Variants in AGAP1 observed in about 807,000 individuals in gnomAD.
The protein encoded by AGAP1 is ArfGAP with GTPase domain, ankyrin repeat and PH domain 1.
A neutral mutation model predicts 105.3 loss-of-function variants in AGAP1; 29 were observed. The observed-to-expected ratio is 0.28, with a 90% CI of 0.21 to 0.38. AGAP1 has a LOEUF of 0.38. AGAP1 is among the 10% of genes least tolerant of loss of function. The probability of loss-of-function intolerance (pLI) is 1.00; values close to 1 mark genes in which losing one functional copy is unlikely to be tolerated. For missense variants in AGAP1, 998 were observed against 1,165.1 expected (o/e 0.86, Z 2.09); for synonymous variants, 509 against 485.9 (o/e 1.05, Z -0.63).
chr2:235,982,690 G>A lies in AGAP1; in HGVS notation c.1645+14067G>A, dbSNP rs969850808. On this transcript the variant is annotated intron_variant, in intron 13 of 17. Coordinates refer to ENST00000304032, the MANE Select transcript of AGAP1 (RefSeq NM_001037131.3). The surrounding 1 kb of genome is among the most constrained non-coding windows in gnomAD (Gnocchi z 4.9). ...AGTCCGTTCGTGGAAGGAAAGAACC[G>A]AAGCCAGCCCTTGGCTGCCATTCTT... Among the ~76,000 whole-genome samples, 10 of 152,210 alleles carry A rather than the reference G, an allele frequency of 6.6e-5. No homozygotes were observed. The highest frequency in any genetic ancestry group is 3.9e-4 in the East Asian group (2 of 5,188).
rs1302746445 is a variant in AGAP1 at position 235,909,005 on chromosome 2, A to C, written c.1324+99A>C. 2.6e-6 allele frequency: 3 copies of C among 1,156,070 alleles called. No individual in the cohort carries two copies. In the Admixed American group the frequency reaches 6.9e-5, roughly 27 times the overall value. The allele number at this position is 1,156,070 out of a possible 1,614,324, so 71.6% of individuals were successfully genotyped here. On this transcript the variant is annotated intron_variant, in intron 11 of 17. Transcript: ENST00000304032. Reference sequence around the variant, plus strand: ...GACTCCTAGGTTAAGTGGAGACAGTAACTATCACATTACAGATTAAGGTTT... The same window carrying C: ...GACTCCTAGGTTAAGTGGAGACAGTCACTATCACATTACAGATTAAGGTTT...
chr2:236,025,989 C>T (rs1320642300), intron 13 of AGAP1, among the ~76,000 whole-genome samples: 1 of 152,094 alleles, frequency 6.6e-6, no homozygotes, highest in African/African-American at 2.4e-5. Flanking sequence ...CTTCAGGGAC[C>T]TCAGAGGCAC....
chr2:235,971,305 AG>A lies in AGAP1; in HGVS notation c.1645+2683del, dbSNP rs1232601620. Among the ~76,000 whole-genome samples, 1 of 152,240 alleles carries A rather than the reference AG, an allele frequency of 6.6e-6. No individual in the cohort carries two copies. Among genetic ancestry groups the A allele is most frequent in the Non-Finnish European group, 1.5e-5 (1 of 68,052 alleles). ...TCCCCCCAAATTGTAACATATCTGA[AG>A]TCAGAACATATCATTGTAGATTCAG... On this transcript the variant is annotated intron_variant, in intron 13 of 17. Coordinates refer to ENST00000304032, the MANE Select transcript of AGAP1 (RefSeq NM_001037131.3). The surrounding 1 kb of genome is among the most constrained non-coding windows in gnomAD (Gnocchi z 4.8).
intron 2 of AGAP1, among the ~76,000 whole-genome samples, chr2:235,709,879 A>G (rs964973105): frequency 3.9e-5 from 6 of 152,188 alleles, no homozygotes; most frequent in Non-Finnish European, 8.8e-5. Context: ...CTAACTTTGA[A>G]ACAACCAGGT....
In AGAP1 at chr2:236,051,984, G is replaced by A. The variant is rs2057913943; in HGVS notation, c.2114+2703G>A. On this transcript the variant is annotated intron_variant, in intron 16 of 17. Transcript: ENST00000304032. The surrounding 1 kb of genome is among the most constrained non-coding windows in gnomAD (Gnocchi z 5.9). ...TCGGGGCTGGAATCTCCGCAAGCCG[G>A]TCTGTCCATGACGTGAGAAGATTCT... 6.6e-6 allele frequency among the ~76,000 whole-genome samples: 1 copy of A among 152,132 alleles called. No individual in the cohort carries two copies. The highest frequency in any genetic ancestry group is 1.5e-5 in the Non-Finnish European group (1 of 68,030).
chr2:236,065,452 A>G (rs1467301762), intron 16 of AGAP1, among the ~76,000 whole-genome samples: 1 of 152,072 alleles, frequency 6.6e-6, no homozygotes, highest in Admixed American at 6.5e-5. Context: ...GCTCCCCTAA[A>G]TGTTCTGTTC....
rs1452917638 is a variant in AGAP1, at chr2:235,789,769, A to G, written c.674-7990A>G. On this transcript the variant is annotated intron_variant, in intron 6 of 17. Coordinates refer to ENST00000304032, the MANE Select transcript of AGAP1 (RefSeq NM_001037131.3). The surrounding 1 kb of genome is among the most constrained non-coding windows in gnomAD (Gnocchi z 4.2). ...TTTCTCCTGCTGGCTTGCTTGGGGC[A>G]TGGCATGTCCTAATGACTTACTCGA... 2.6e-5 allele frequency among the ~76,000 whole-genome samples: 4 copies of G among 152,208 alleles called. No homozygotes were observed. Among genetic ancestry groups the G allele is most frequent in the Non-Finnish European group, 4.4e-5 (3 of 68,042 alleles).
rs1415598437 is a variant in AGAP1 at position 236,090,581 on chromosome 2, C to T, written c.2115-29611C>T. Among the ~76,000 whole-genome samples, 2 of 152,090 alleles carry T rather than the reference C, an allele frequency of 1.3e-5. No individual in the cohort carries two copies. Among genetic ancestry groups the T allele is most frequent in the African/African-American group, 2.4e-5 (1 of 41,396 alleles). On this transcript the variant is annotated intron_variant, in intron 16 of 17. Coordinates refer to ENST00000304032, the MANE Select transcript of AGAP1 (RefSeq NM_001037131.3). The surrounding 1 kb of genome is among the most constrained non-coding windows in gnomAD (Gnocchi z 4.3). ...TCGGAGGGAGGCCTTCCTCCTGCAG[C>T]GTGTTTCCAGTTGTTCGGATTTTTG...
intron 11 of AGAP1, among the ~76,000 whole-genome samples, chr2:235,917,658 A>G (rs532281686): frequency 8.5e-5 from 13 of 152,258 alleles, no homozygotes; most frequent in Admixed American, 4.6e-4. Context: ...GGGGGAGGCA[A>G]TGAGGCACCG....
intron 1 of AGAP1, among the ~76,000 whole-genome samples, chr2:235,645,646 C>T (rs1947357242): frequency 6.6e-6 from 1 of 152,102 alleles, no homozygotes; most frequent in African/African-American, 2.4e-5. Flanking sequence ...TGCACATCCC[C>T]CTTCCATGGG....
intron 1 of AGAP1, among the ~76,000 whole-genome samples, chr2:235,562,160 C>T (rs1029356642): frequency 6.6e-6 from 1 of 152,158 alleles, no homozygotes; most frequent in Non-Finnish European, 1.5e-5. Context: ...GGCTATTCAC[C>T]ATGATTTAAA....
rs2059200427 is a variant in AGAP1 at position 236,096,683 on chromosome 2, A to G, written c.2115-23509A>G. Among the ~76,000 whole-genome samples, 1 of 151,644 alleles carries G rather than the reference A, an allele frequency of 6.6e-6. No homozygotes were observed. Among genetic ancestry groups the G allele is most frequent in the African/African-American group, 2.4e-5 (1 of 41,264 alleles). On this transcript the variant is annotated intron_variant, in intron 16 of 17. Transcript: ENST00000304032. This position sits in a 1 kb window ranked among gnomAD's most constrained non-coding sequence, Gnocchi z 4.4. ...AACCTCTGCCTCCCCGGTTCAAGTGATTCTTCTGCCTCGGCCTCCTGAGTA... is the reference window on the plus strand; with the variant it reads ...AACCTCTGCCTCCCCGGTTCAAGTGGTTCTTCTGCCTCGGCCTCCTGAGTA...
rs933933833 is a variant in AGAP1 at position 235,959,251 on chromosome 2, C to G, written c.1484-9211C>G. ...ATGCAGCCAGGAGGAGCGGATGGCGCTCCGTGGGCCGGCTGGAGCTCATTT... is the reference window on the plus strand; with the variant it reads ...ATGCAGCCAGGAGGAGCGGATGGCGGTCCGTGGGCCGGCTGGAGCTCATTT... On this transcript the variant is annotated intron_variant, in intron 12 of 17. Transcript: ENST00000304032. The surrounding 1 kb of genome is among the most constrained non-coding windows in gnomAD (Gnocchi z 7.3). 6.6e-6 allele frequency among the ~76,000 whole-genome samples: 1 copy of G among 152,218 alleles called. No individual in the cohort carries two copies. Among genetic ancestry groups the G allele is most frequent in the Non-Finnish European group, 1.5e-5 (1 of 68,052 alleles).
chr2:235,812,511 T>C (rs1958205092), intron 9 of AGAP1, among the ~76,000 whole-genome samples: 1 of 152,202 alleles, frequency 6.6e-6, no homozygotes, highest in Admixed American at 6.5e-5. Context: ...AGGGGTGTAT[T>C]GTGTGGCATG....
chr2:235,744,706 G>GT lies in AGAP1; in HGVS notation c.406dup (p.Trp136LeufsTer14). On this transcript the variant is annotated frameshift_variant, in exon 5 of 18. Transcript: ENST00000304032. LOFTEE classifies it high-confidence loss of function. The surrounding 1 kb of genome is among the most constrained non-coding windows in gnomAD (Gnocchi z 5.2). ...CCTTCTTCTCTCCCTAGTTTGCCAT[G>GT]TGGGTGGACGCTGTTATATTTGTCT... 1 of 1,613,960 alleles carries GT rather than the reference G, an allele frequency of 6.2e-7. No individual in the cohort carries two copies. The highest frequency in any genetic ancestry group is 8.5e-7 in the Non-Finnish European group (1 of 1,180,006).
intron 1 of AGAP1, among the ~76,000 whole-genome samples, chr2:235,518,569 C>G (rs1175186006): frequency 6.6e-6 from 1 of 152,164 alleles, no homozygotes; most frequent in Non-Finnish European, 1.5e-5. Flanking sequence ...TGTTTCCCAC[C>G]GTCAGCCTTG....
chr2:235,994,940 G>T lies in AGAP1; in HGVS notation c.1645+26317G>T, dbSNP rs148465948. On this transcript the variant is annotated intron_variant, in intron 13 of 17. Coordinates refer to ENST00000304032, the MANE Select transcript of AGAP1 (RefSeq NM_001037131.3). The surrounding 1 kb of genome is among the most constrained non-coding windows in gnomAD (Gnocchi z 4.4). ...ACATTAGCCAAGCGTGGTGGTAGGCGCCTGTAATCGCAGCTACTTGGGAGG... is the reference window on the plus strand; with the variant it reads ...ACATTAGCCAAGCGTGGTGGTAGGCTCCTGTAATCGCAGCTACTTGGGAGG... Among the ~76,000 whole-genome samples, 1 of 150,110 alleles carries T rather than the reference G, an allele frequency of 6.7e-6. No homozygotes were observed. The highest frequency in any genetic ancestry group is 2.1e-4 in the South Asian group (1 of 4,734).
intron 9 of AGAP1, among the ~76,000 whole-genome samples, chr2:235,808,026 A>C (rs1957932799): frequency 6.7e-6 from 1 of 150,252 alleles, no homozygotes; most frequent in Non-Finnish European, 1.5e-5. Flanking sequence ...ATTCTAAATC[A>C]CTTTATATCT....
At chr2:235,562,703 G>C (rs1023219248) in intron 1 of AGAP1, among the ~76,000 whole-genome samples, 2 of 152,248 alleles carry the variant, frequency 1.3e-5, no homozygotes, top group South Asian at 4.2e-4. Flanking sequence ...TCCTGGCTCC[G>C]GTCCTCTGCA....
Sources: gnomAD v4.1 joint callset for allele counts (sites outside exome capture counted in the v4.1 genomes callset) on GRCh38, gnomAD v4.1.1 for gene constraint, Gnocchi (gnomAD v3.1) non-coding constraint, MANE v1.5 for transcripts, NCBI Gene and HGNC (gene_info 2026-07-23, HGNC 2026-07-21) for gene names.